Variants in NYAP2 observed in about 807,000 individuals in gnomAD.
The protein encoded by NYAP2 is neuronal tyrosine-phosphorylated phosphoinositide-3-kinase adapter 2.
Under a neutral mutation model 50.4 loss-of-function variants are expected in NYAP2, and 23 were observed. That is an observed-to-expected ratio of 0.46 (90% confidence interval 0.33 to 0.65). The LOEUF is 0.65. NYAP2 is among the 30% of genes least tolerant of loss of function. The pLI, the probability that NYAP2 is intolerant of heterozygous loss-of-function variation, is 0.02. For synonymous variants in NYAP2, 394 were observed against 365.2 expected, an observed-to-expected ratio of 1.08 and a Z score of -0.90; for missense variants, 885 against 861.0, an observed-to-expected ratio of 1.03 and a Z score of -0.35.
rs114051468 is a variant in NYAP2, at chr2:225,580,398, C to T, written c.524-1543C>T. ...AAAGATTGACTGCATAGTTTTCACC[C>T]CATTTTGTCTCTAGGCTTTTCACTT... On this transcript the variant is annotated intron_variant, in intron 4 of 6. Coordinates refer to ENST00000636099, the Ensembl canonical transcript of NYAP2. Among the ~76,000 whole-genome samples the T allele has an allele frequency of 5.1e-3, 775 of 152,280 alleles. 10 individuals are homozygous for T. Among genetic ancestry groups the T allele is most frequent in the African/African-American group, 0.018 (748 of 41,572 alleles).
chr2:225,613,022 G>A (rs1003385460), intron 5 of NYAP2, among the ~76,000 whole-genome samples: 2 of 152,166 alleles, frequency 1.3e-5, no homozygotes, highest in Non-Finnish European at 2.9e-5. Context: ...GACAGAACTA[G>A]TAGGATATTT....
intron 4 of NYAP2, among the ~76,000 whole-genome samples, chr2:225,563,558 AGGAATGGGTTCGTG>A (rs1691911201): frequency 6.6e-6 from 1 of 152,132 alleles, no homozygotes; most frequent in African/African-American, 2.4e-5. Context: ...GGAGGGGTAA[AGGAATGGGTTCGTG>A]ACATGGTCAC....
the NYAP2 span, among the ~76,000 whole-genome samples, chr2:225,668,700 C>G: frequency 1.2e-4 from 19 of 152,034 alleles, no homozygotes; most frequent in African/African-American, 4.1e-4. Flanking sequence ...TTGAACCCCT[C>G]TCTTCTTACT....
the NYAP2 span, among the ~76,000 whole-genome samples, chr2:225,665,353 A>G: frequency 6.6e-6 from 1 of 152,158 alleles, no homozygotes; most frequent in Non-Finnish European, 1.5e-5. Flanking sequence ...AAAAGAAAAA[A>G]AAATGTTTTT....
chr2:225,619,986 A>T (rs945114890), intron 5 of NYAP2, among the ~76,000 whole-genome samples: 16 of 152,236 alleles, frequency 1.1e-4, no homozygotes, highest in Admixed American at 7.9e-4. Context: ...TGAATAGAGG[A>T]TAGGTGCGTT....
intron 3 of NYAP2, among the ~76,000 whole-genome samples, chr2:225,485,479 A>AGAGG (rs1159120086): frequency 6.6e-6 from 1 of 152,164 alleles, no homozygotes; most frequent in Non-Finnish European, 1.5e-5. Flanking sequence ...AGGTTACTTG[A>AGAGG]GAGGGAGGCA....
At chr2:225,616,270 T>C (rs1185951419) in intron 5 of NYAP2, among the ~76,000 whole-genome samples, 1 of 152,224 alleles carries the variant, frequency 6.6e-6, no homozygotes, top group East Asian at 1.9e-4. Flanking sequence ...AGAATTGACA[T>C]AGCTGACCCC....
At chr2:225,688,870 G>A in the NYAP2 span, among the ~76,000 whole-genome samples, 1 of 152,070 alleles carries the variant, frequency 6.6e-6, no homozygotes, top group African/African-American at 2.4e-5. Context: ...AGCCTCCCGA[G>A]TAGCCGGGAT....
chr2:225,690,398 T>G, the NYAP2 span, among the ~76,000 whole-genome samples: 1 of 152,098 alleles, frequency 6.6e-6, no homozygotes, highest in African/African-American at 2.4e-5. Context: ...GTTATATCAA[T>G]TTCAAAAGAT....
At chr2:225,682,790 G>A in the NYAP2 span, among the ~76,000 whole-genome samples, 2 of 152,252 alleles carry the variant, frequency 1.3e-5, no homozygotes, top group African/African-American at 4.8e-5. Flanking sequence ...GAAATAGGAT[G>A]GGTGCCATAA....
chr2:225,607,895 GT>G (rs1166260123), intron 5 of NYAP2, among the ~76,000 whole-genome samples: 1 of 152,116 alleles, frequency 6.6e-6, no homozygotes, highest in Non-Finnish European at 1.5e-5. Context: ...AGTAAAAAGG[GT>G]TGTTGAACAA....
the NYAP2 span, among the ~76,000 whole-genome samples, chr2:225,665,805 T>C: frequency 2.9e-4 from 2 of 6,934 alleles, no homozygotes; most frequent in African/African-American, 6.1e-4. Flanking sequence ...CAAGCCTCCG[T>C]CTAAAAAAAA....
intron 5 of NYAP2, among the ~76,000 whole-genome samples, chr2:225,593,478 G>C (rs13013783): frequency 6.6e-6 from 1 of 152,032 alleles, no homozygotes; most frequent in African/African-American, 2.4e-5. Context: ...GAAACTTAAT[G>C]AAAAAAATGT....
intron 5 of NYAP2, among the ~76,000 whole-genome samples, chr2:225,626,157 A>G (rs753043471): frequency 1.3e-5 from 2 of 152,244 alleles, no homozygotes; most frequent in Non-Finnish European, 2.9e-5. Context: ...TGGGGACTCC[A>G]GATGGATTCA....
chr2:225,593,586 A>T (rs990527053), intron 5 of NYAP2, among the ~76,000 whole-genome samples: 1 of 152,174 alleles, frequency 6.6e-6, no homozygotes, highest in African/African-American at 2.4e-5. Context: ...TTTTTGAATG[A>T]TGTAAGACTT....
At chr2:225,463,056 A>G (rs1289462644) in intron 3 of NYAP2, among the ~76,000 whole-genome samples, 1 of 152,252 alleles carries the variant, frequency 6.6e-6, no homozygotes, top group Non-Finnish European at 1.5e-5. Context: ...TAAACTAGAG[A>G]GGGGTGCCCC....
intron 3 of NYAP2, among the ~76,000 whole-genome samples, chr2:225,448,740 C>G (rs181983933): frequency 6.6e-6 from 1 of 152,160 alleles, no homozygotes; most frequent in Admixed American, 6.6e-5. Flanking sequence ...AAGCACTGAA[C>G]GGTGACAAGC....
intron 3 of NYAP2, among the ~76,000 whole-genome samples, chr2:225,472,841 G>T (rs1690034733): frequency 1.3e-5 from 2 of 151,802 alleles, no homozygotes; most frequent in Non-Finnish European, 2.9e-5. Flanking sequence ...TAAGTTCTAG[G>T]GTACATGTGC....
chr2:225,691,478 C>T, the NYAP2 span, among the ~76,000 whole-genome samples: 1 of 152,006 alleles, frequency 6.6e-6, no homozygotes, highest in Non-Finnish European at 1.5e-5. Context: ...TGTATTTGGC[C>T]AGTGGGTTGT....
Sources: allele counts gnomAD v4.1 joint callset (sites outside exome capture counted in the v4.1 genomes callset), GRCh38; gene constraint gnomAD v4.1.1; transcripts MANE v1.5; gene names NCBI Gene and HGNC (gene_info 2026-07-23, HGNC 2026-07-21).